Variants in KCNU1 observed in about 807,000 individuals in gnomAD.
The protein encoded by KCNU1 is potassium channel subfamily U member 1.
A neutral mutation model predicts 126.8 loss-of-function variants in KCNU1; 93 were observed. That is an observed-to-expected ratio of 0.73 (90% confidence interval 0.62 to 0.87). The LOEUF (loss-of-function observed/expected upper bound fraction) is 0.87. Ranked by LOEUF, KCNU1 falls within the 40% of genes least tolerant of loss-of-function variation. The pLI is 0.00. For synonymous variants in KCNU1, 523 were observed against 494.2 expected, an observed-to-expected ratio of 1.06 and a Z score of -0.77; for missense variants, 1,330 against 1,367.1, an observed-to-expected ratio of 0.97 and a Z score of 0.43.
In KCNU1 at chr8:36,848,116, T is replaced by C. The variant is rs1585454551; in HGVS notation, c.1891+2217T>C. ...TACCATTTGTATGTCTTTTGCAAAA[T>C]GTTTATTCAGATCTTTTTCCTATTT... On this transcript the variant is annotated intron_variant, in intron 18 of 26. Coordinates refer to ENST00000399881, the MANE Select transcript of KCNU1 (RefSeq NM_001031836.3). 3.9e-5 allele frequency among the ~76,000 whole-genome samples: 6 copies of C among 152,344 alleles called. No individual in the cohort carries two copies. The South Asian group carries it at 1.2e-3, about 32-fold the overall frequency.
chr8:36,787,854 G>T, intron 2 of KCNU1, among the ~76,000 whole-genome samples: 1 of 123,942 alleles, frequency 8.1e-6, no homozygotes, highest in South Asian at 2.6e-4. Flanking sequence ...AATATATATT[G>T]ACTAATTATA....
At chr8:36,898,178 G>A (rs147152738) in intron 19 of KCNU1, among the ~76,000 whole-genome samples, 60 of 152,114 alleles carry the variant, frequency 3.9e-4, no homozygotes, top group African/African-American at 1.3e-3. Flanking sequence ...TAAGCAATAT[G>A]GATAAGAAGA....
At chr8:36,785,881 G>T (rs1030569191) in intron 1 of KCNU1, among the ~76,000 whole-genome samples, 1 of 152,254 alleles carries the variant, frequency 6.6e-6, no homozygotes, top group East Asian at 1.9e-4. Flanking sequence ...TACTTTGGGT[G>T]TAATTTATGT....
At chr8:36,795,046 G>A (rs1400315704) in intron 2 of KCNU1, among the ~76,000 whole-genome samples, 4 of 152,186 alleles carry the variant, frequency 2.6e-5, no homozygotes, top group African/African-American at 9.6e-5. Flanking sequence ...CTAAATCCAC[G>A]TTTCCTCTTT....
intron 19 of KCNU1, among the ~76,000 whole-genome samples, chr8:36,879,038 T>G (rs1806371542): frequency 1.4e-5 from 2 of 148,090 alleles, no homozygotes; most frequent in Non-Finnish European, 1.5e-5. Context: ...TGAAGTCACT[T>G]TCTCAGATCT....
At chr8:36,803,187 A>C (rs1803373457) in intron 2 of KCNU1, among the ~76,000 whole-genome samples, 1 of 152,158 alleles carries the variant, frequency 6.6e-6, no homozygotes, top group Non-Finnish European at 1.5e-5. Context: ...TAGAGATGAA[A>C]CTGAGTCCTT....
In KCNU1 at chr8:36,845,873, A is replaced by T. The variant is rs779644556; in HGVS notation, c.1865A>T (p.Lys622Ile). Residue 622 changes from lysine (K) to isoleucine (I), a missense_variant, in exon 18 of 27, where the codon AAA becomes ATA. By Grantham distance (102) the Lys-to-Ile change is moderately radical (BLOSUM62 -3). Around this residue, in one of 3 missense-constraint regions of KCNU1, gnomAD observed 1,054 missense variants for 1,053.9 expected, o/e 1.00. Transcript: ENST00000399881. ...GAGCTAATTACAAACTGTGGCTGCAAAAGCAGAAGCCGGCAGCACATCACA... is the reference window on the plus strand; with the variant it reads ...GAGCTAATTACAAACTGTGGCTGCATAAGCAGAAGCCGGCAGCACATCACA... ...IPELITNCGC[K>I]SRSRQHITVP... 3.7e-6 allele frequency: 6 copies of T among 1,603,142 alleles called. No homozygotes were observed. In the Admixed American group the frequency reaches 8.5e-5, roughly 23 times the overall value.
At chr8:36,803,101 A>G (rs1339969572) in intron 2 of KCNU1, among the ~76,000 whole-genome samples, 1 of 152,156 alleles carries the variant, frequency 6.6e-6, no homozygotes, top group African/African-American at 2.4e-5. Context: ...CCCTCCCCAC[A>G]TGGAGCTACA....
intron 10 of KCNU1, 48 bp downstream of exon 10, chr8:36,817,808 ACGTGT>A: frequency 2.2e-6 from 2 of 897,664 alleles, no homozygotes; most frequent in Non-Finnish European, 3.7e-6. Flanking sequence ...TACTTAAAAT[ACGTGT>A]GAATATTTTT....
intron 24 of KCNU1, among the ~76,000 whole-genome samples, chr8:36,930,615 G>T (rs919274741): frequency 1.3e-5 from 2 of 152,206 alleles, no homozygotes; most frequent in East Asian, 1.9e-4. Context: ...GATGATTAGG[G>T]TATCTGTGAC....
At chr8:36,817,460 T>C (rs1377976697) in intron 9 of KCNU1, among the ~76,000 whole-genome samples, 190 bp from the exon 10 acceptor site, 1 of 131,042 alleles carries the variant, frequency 7.6e-6, no homozygotes, top group Admixed American at 9.0e-5. Flanking sequence ...GATCACACCA[T>C]TGCACTCCAG....
chr8:36,934,348 C>T (rs996634788), intron 26 of KCNU1, among the ~76,000 whole-genome samples: 10 of 151,934 alleles, frequency 6.6e-5, no homozygotes, highest in Admixed American at 4.6e-4. Context: ...AAATAAGCAT[C>T]GAGGTCTACA....
At chr8:36,849,214 G>A (rs1435946553) in intron 18 of KCNU1, among the ~76,000 whole-genome samples, 5 of 151,658 alleles carry the variant, frequency 3.3e-5, no homozygotes, top group Non-Finnish European at 5.9e-5. Flanking sequence ...AAAACAAAAC[G>A]AAAAACAAAA....
At chr8:36,785,356 G>T (rs1233608207) in intron 1 of KCNU1, among the ~76,000 whole-genome samples, 1 of 152,114 alleles carries the variant, frequency 6.6e-6, no homozygotes, top group African/African-American at 2.4e-5. Flanking sequence ...TTCCAATTTT[G>T]CTTCCCAAAC....
intron 18 of KCNU1, among the ~76,000 whole-genome samples, chr8:36,848,848 C>T (rs144228127): frequency 1.3e-5 from 2 of 152,194 alleles, no homozygotes; most frequent in Middle Eastern, 3.4e-3. Flanking sequence ...GGCCTAGTCA[C>T]CCCTTATCAA....
chr8:36,871,104 G>T (rs1239789896), intron 19 of KCNU1, among the ~76,000 whole-genome samples: 2 of 152,058 alleles, frequency 1.3e-5, no homozygotes, highest in East Asian at 1.9e-4. Flanking sequence ...GAAGACAGCA[G>T]GACTAAATAT....
intron 18 of KCNU1, among the ~76,000 whole-genome samples, chr8:36,846,778 G>T (rs1805164475): frequency 7.3e-6 from 1 of 137,868 alleles, no homozygotes; most frequent in Non-Finnish European, 1.6e-5. Flanking sequence ...TCCAGCCTGG[G>T]CGACAGAGCG....
intron 22 of KCNU1, among the ~76,000 whole-genome samples, 172 bp from the exon 23 acceptor site, chr8:36,918,651 T>C (rs1397273054): frequency 6.6e-6 from 1 of 152,038 alleles, no homozygotes; most frequent in Non-Finnish European, 1.5e-5. Context: ...AAGGAGATGC[T>C]GAGGAGACCC....
At chr8:36,811,114 A>T (rs1803693548) in intron 7 of KCNU1, among the ~76,000 whole-genome samples, 1 of 152,194 alleles carries the variant, frequency 6.6e-6, no homozygotes, top group Non-Finnish European at 1.5e-5. Context: ...AAAAATCTTG[A>T]CATGGAAAAT....
Sources: gnomAD v4.1 joint callset for allele counts (sites outside exome capture counted in the v4.1 genomes callset) on GRCh38, gnomAD v4.1.1 for gene constraint, gnomAD v4.1.1 regional missense constraint, MANE v1.5 for transcripts, NCBI Gene and HGNC (gene_info 2026-07-23, HGNC 2026-07-21) for gene names.